PTPRM: variants seen among roughly 807,000 people sequenced by gnomAD.
PTPRM encodes the protein receptor-type tyrosine-protein phosphatase mu.
PTPRM carries 47 observed loss-of-function variants against 186.7 expected under a neutral mutation model. That is an observed-to-expected ratio of 0.25 (90% CI 0.20 to 0.32). The LOEUF (loss-of-function observed/expected upper bound fraction) is 0.32. PTPRM is among the 10% of genes least tolerant of loss of function. The pLI is 1.00. For synonymous variants in PTPRM, 668 were observed against 674.9 expected, an observed-to-expected ratio of 0.99 and a Z score of 0.16; for missense variants, 1,494 against 1,865.0, an observed-to-expected ratio of 0.80 and a Z score of 3.66.
At chr18:7,579,822 T>G (rs1216827888) in intron 1 of PTPRM, among the ~76,000 whole-genome samples, 1 of 152,212 alleles carries the variant, frequency 6.6e-6, no homozygotes, top group African/African-American at 2.4e-5. Context: ...TCATGTTCAT[T>G]GAAACATGTG....
chr18:7,697,841 A>G (rs1287528443), intron 1 of PTPRM, among the ~76,000 whole-genome samples: 5 of 152,210 alleles, frequency 3.3e-5, no homozygotes, highest in Non-Finnish European at 7.3e-5. Flanking sequence ...TTCAAAAATC[A>G]TACTAGGACA....
At chr18:8,239,486 G>C (rs2094391787) in intron 14 of PTPRM, among the ~76,000 whole-genome samples, 9 of 151,356 alleles carry the variant, frequency 5.9e-5, no homozygotes, top group Admixed American at 5.9e-4. Flanking sequence ...AACTGTGTGA[G>C]CCCCCTTAAA....
At chr18:7,731,374 C>T (rs141871619) in intron 1 of PTPRM, among the ~76,000 whole-genome samples, 565 of 152,212 alleles carry the variant, frequency 3.7e-3, no homozygotes, top group Non-Finnish European at 6.5e-3. Flanking sequence ...TGAAAATAGA[C>T]GTGCTCAATT....
intron 29 of PTPRM, among the ~76,000 whole-genome samples, chr18:8,383,854 T>C (rs1376677790): frequency 6.6e-6 from 1 of 151,832 alleles, no homozygotes; most frequent in African/African-American, 2.4e-5. Flanking sequence ...GATCTGGGCA[T>C]TAAGAGTTGT....
intron 1 of PTPRM, among the ~76,000 whole-genome samples, chr18:7,665,653 G>A (rs929703264): frequency 6.6e-6 from 1 of 152,166 alleles, no homozygotes; most frequent in South Asian, 2.1e-4. Flanking sequence ...TTGGACAGGC[G>A]CAGTGGCTCA....
At chr18:8,054,720 G>GTTT (rs948102386) in intron 7 of PTPRM, among the ~76,000 whole-genome samples, 4 of 152,014 alleles carry the variant, frequency 2.6e-5, no homozygotes, top group Admixed American at 6.6e-5. Context: ...ACAAACATAA[G>GTTT]TTTTTATGTT....
intron 19 of PTPRM, among the ~76,000 whole-genome samples, chr18:8,264,306 A>G: frequency 6.6e-6 from 1 of 152,222 alleles, no homozygotes; most frequent in Non-Finnish European, 1.5e-5. Flanking sequence ...GACTATTCCA[A>G]CAAAGAAACT....
At chr18:8,229,998 T>C (rs1006118561) in intron 14 of PTPRM, among the ~76,000 whole-genome samples, 5 of 152,202 alleles carry the variant, frequency 3.3e-5, no homozygotes, top group African/African-American at 1.2e-4. Context: ...TGAAATAAAG[T>C]TGTAGCCTAA....
chr18:7,940,754 T>C (rs2052119806), intron 5 of PTPRM, among the ~76,000 whole-genome samples: 1 of 151,910 alleles, frequency 6.6e-6, no homozygotes, highest in Admixed American at 6.6e-5. Flanking sequence ...CATATCTAAT[T>C]TGGTAGCAAA....
chr18:8,046,435 G>A (rs945308908), intron 7 of PTPRM, among the ~76,000 whole-genome samples: 2 of 152,160 alleles, frequency 1.3e-5, no homozygotes, highest in African/African-American at 4.8e-5. Context: ...ATGCATAGCT[G>A]AGTATACCAC....
At chr18:8,088,117 A>T (rs2090524984) in intron 10 of PTPRM, among the ~76,000 whole-genome samples, 1 of 152,178 alleles carries the variant, frequency 6.6e-6, no homozygotes, top group Admixed American at 6.5e-5. Flanking sequence ...TTTGAGATGT[A>T]TAGAAGCTCT....
chr18:7,687,365 G>A (rs566773015), intron 1 of PTPRM, among the ~76,000 whole-genome samples: 1 of 152,198 alleles, frequency 6.6e-6, no homozygotes, highest in African/African-American at 2.4e-5. Flanking sequence ...GATAATTTTG[G>A]TGAATGTTCT....
intron 1 of PTPRM, among the ~76,000 whole-genome samples, chr18:7,656,707 A>C (rs2038857824): frequency 6.6e-6 from 1 of 152,022 alleles, no homozygotes; most frequent in African/African-American, 2.4e-5. Flanking sequence ...TGAATATGTG[A>C]CGTGCATTTG....
chr18:7,906,508 AT>A lies in PTPRM; in HGVS notation c.477del (p.Phe159LeufsTer3). On this transcript the variant is annotated frameshift_variant, in exon 4 of 33. Transcript: ENST00000580170. LOFTEE classifies it high-confidence loss of function. ...STFWPNFYQV[I>X]FEVITSGHQG... ...TAAATCTTTCTTAATTTTCCAGGTG[AT>A]TTTTGAAGTGATAACTTCTGGACAT... The A allele has an allele frequency of 6.2e-7, 1 of 1,610,596 alleles. No homozygotes were observed. The highest frequency in any genetic ancestry group is 8.5e-7 in the Non-Finnish European group (1 of 1,176,822).
At chr18:7,915,746 G>T (rs2050520254) in intron 4 of PTPRM, among the ~76,000 whole-genome samples, 2 of 152,192 alleles carry the variant, frequency 1.3e-5, no homozygotes, top group Non-Finnish European at 2.9e-5. Flanking sequence ...ACTGAAGGAA[G>T]TACTGATGCT....
At chr18:8,128,796 T>A (rs2145911995) in intron 13 of PTPRM, among the ~76,000 whole-genome samples, 1 of 152,292 alleles carries the variant, frequency 6.6e-6, no homozygotes. Flanking sequence ...TTATTTTCCA[T>A]TTGTATTATG....
chr18:7,896,961 T>C (rs1441152334), intron 3 of PTPRM, among the ~76,000 whole-genome samples: 1 of 152,230 alleles, frequency 6.6e-6, no homozygotes. Flanking sequence ...CCACTGATTT[T>C]ACTACAAAGC....
intron 19 of PTPRM, among the ~76,000 whole-genome samples, chr18:8,276,172 T>C (rs528317147): frequency 1.3e-5 from 2 of 152,046 alleles, no homozygotes; most frequent in Non-Finnish European, 2.9e-5. Context: ...CATCCATCCC[T>C]CACTGTTTTC....
chr18:7,855,869 C>T (rs937440425), intron 2 of PTPRM, among the ~76,000 whole-genome samples: 2 of 152,158 alleles, frequency 1.3e-5, no homozygotes, highest in Admixed American at 6.5e-5. Context: ...AGATGTTTGA[C>T]GTTGTCAGGA....
Sources: allele counts gnomAD v4.1 joint callset (sites outside exome capture counted in the v4.1 genomes callset), GRCh38; gene constraint gnomAD v4.1.1; transcripts MANE v1.5; gene names NCBI Gene and HGNC (gene_info 2026-07-23, HGNC 2026-07-21).